CEP290: variants seen among roughly 807,000 people sequenced by gnomAD.
The protein encoded by CEP290 is centrosomal protein 290, also known as centrosomal protein of 290 kDa.
A neutral mutation model predicts 344.9 loss-of-function variants in CEP290; 317 were observed. The ratio of observed to expected loss-of-function variants is 0.92; its 90% CI spans 0.84 to 1.01. CEP290 has a LOEUF of 1.01. Among genes scored for constraint, CEP290 ranks in the 50% least tolerant of loss-of-function variants. The pLI is 0.00. For synonymous variants in CEP290, 932 were observed against 895.8 expected (o/e 1.04, Z -0.72); for missense variants, 2,754 against 2,761.4 (o/e 1.00, Z 0.06).
chr12:88,100,766 G>A (rs1300254547), intron 26 of CEP290, among the ~76,000 whole-genome samples: 1 of 152,014 alleles, frequency 6.6e-6, no homozygotes, highest in Admixed American at 6.6e-5. Context: ...AAAAAAGTAT[G>A]CTTAAGAAAA....
intron 22 of CEP290, among the ~76,000 whole-genome samples, chr12:88,109,479 T>C (rs1405392218): frequency 2.0e-5 from 3 of 152,328 alleles, no homozygotes; most frequent in East Asian, 3.9e-4. Context: ...CCCTCTCTTA[T>C]GAACACATAA....
intron 40 of CEP290, 38 bp downstream of exon 40, chr12:88,077,659 T>G (rs1361148578): frequency 8.3e-7 from 1 of 1,207,232 alleles, no homozygotes; most frequent in Non-Finnish European, 1.2e-6. Flanking sequence ...ACCTCTATAT[T>G]GTAAATCAGA....
chr12:88,066,103 ACATAGATATT>A (rs2034905531), intron 44 of CEP290, among the ~76,000 whole-genome samples: 1 of 151,442 alleles, frequency 6.6e-6, no homozygotes. Context: ...TTTTCTCTTA[ACATAGATATT>A]TAATTTTAGT....
Position 88,049,106 on chromosome 12 carries a change from G to T in CEP290, c.*78C>A. The T allele has an allele frequency of 1.3e-6, 1 of 795,872 alleles. No individual in the cohort carries two copies. The highest frequency in any genetic ancestry group is 2.0e-6 in the Non-Finnish European group (1 of 497,162). 49.3% of individuals were successfully genotyped at this position (795,872 alleles called of 1,614,324 possible). Reference sequence around the variant, plus strand: ...AGTGAGAAGGAAATACTACAGTTCGGAGAACTGCTTATTTCCAAGTATATT... The same window carrying T: ...AGTGAGAAGGAAATACTACAGTTCGTAGAACTGCTTATTTCCAAGTATATT... On this transcript the variant is annotated 3_prime_UTR_variant, in exon 54 of 54. Transcript: ENST00000552810.
intron 11 of CEP290, among the ~76,000 whole-genome samples, chr12:88,127,063 C>T (rs1279974687): frequency 4.4e-4 from 2 of 4,548 alleles, no homozygotes; most frequent in Non-Finnish European, 5.3e-3. Flanking sequence ...AACAAGTATA[C>T]ACTGCTAGAA....
intron 31 of CEP290, 129 bp downstream of exon 31, chr12:88,088,903 T>C (rs1223153774): frequency 2.4e-5 from 13 of 546,536 alleles, no homozygotes; most frequent in Non-Finnish European, 3.9e-5. Flanking sequence ...CTACAACTAC[T>C]CAGGAGGCTG....
intron 18 of CEP290, among the ~76,000 whole-genome samples, chr12:88,116,314 T>A (rs866847409): frequency 6.6e-6 from 1 of 152,222 alleles, no homozygotes; most frequent in African/African-American, 2.4e-5. Context: ...CTTATTGTAA[T>A]AGTTTCTGGA....
chr12:88,053,594 A>T, intron 52 of CEP290, 58 bp downstream of exon 52: 6 of 763,648 alleles, frequency 7.9e-6, no homozygotes, highest in Non-Finnish European at 1.3e-5. Flanking sequence ...AAAAAAAAAA[A>T]GGCAAACCCA....
In CEP290 at chr12:88,129,716, T is replaced by TG. The variant is rs778953384; in HGVS notation, c.829_830insC (p.Glu277AlafsTer21). On this transcript the variant is annotated frameshift_variant, in exon 10 of 54. Coordinates refer to ENST00000552810, the MANE Select transcript of CEP290 (RefSeq NM_025114.4). LOFTEE classifies it high-confidence loss of function. ...TACTTGAAGTTGATAATGATCGTTT[T>TG]CTTTTTTTAACTGATCTATTACATT... is the stretch of plus-strand genomic sequence containing the variant. The TG allele has an allele frequency of 6.9e-7, 1 of 1,452,216 alleles. No individual in the cohort carries two copies. Among genetic ancestry groups the TG allele is most frequent in the Non-Finnish European group, 9.3e-7 (1 of 1,080,650 alleles). 90.0% of individuals were successfully genotyped at this position (1,452,216 alleles called of 1,614,324 possible). A position where few individuals can be genotyped will look rare whatever the true frequency, so the allele number is the denominator to read the frequency against.
At chr12:88,138,471 T>C (rs2040461846) in intron 5 of CEP290, among the ~76,000 whole-genome samples, 1 of 152,140 alleles carries the variant, frequency 6.6e-6, no homozygotes, top group South Asian at 2.1e-4. Flanking sequence ...GGACTAGAAC[T>C]CAAATCTGTC....
At chr12:88,102,437 T>C (rs1381345038) in intron 26 of CEP290, among the ~76,000 whole-genome samples, 1 of 152,184 alleles carries the variant, frequency 6.6e-6, no homozygotes, top group Admixed American at 6.5e-5. Context: ...TAGTTTGTTC[T>C]GGGTACAGGG....
intron 27 of CEP290, among the ~76,000 whole-genome samples, chr12:88,094,931 A>AT (rs1178149303): frequency 6.6e-6 from 1 of 152,102 alleles, no homozygotes; most frequent in Non-Finnish European, 1.5e-5. Context: ...TGAAAAAAAA[A>AT]TTGGTCTCTA....
chr12:88,115,292 A>C lies in CEP290; in HGVS notation c.1825-110T>G. On this transcript the variant is annotated intron_variant, in intron 18 of 53. Coordinates refer to ENST00000552810, the MANE Select transcript of CEP290 (RefSeq NM_025114.4). ...AATTAAGTATAACAAAACAAAACAA[A>C]AAAAACGAGCTATGAAGACATAGCA... 1.1e-5 allele frequency: 8 copies of C among 729,088 alleles called. 1 individual carries two copies. The highest frequency in any genetic ancestry group is 1.5e-5 in the Non-Finnish European group (7 of 455,514). 45.2% of individuals were successfully genotyped at this position (729,088 alleles called of 1,614,324 possible). A position where few individuals can be genotyped will look rare whatever the true frequency, so the allele number is the denominator to read the frequency against.
At chr12:88,056,937 C>T (rs752277284) in intron 49 of CEP290, among the ~76,000 whole-genome samples, 9 of 152,172 alleles carry the variant, frequency 5.9e-5, no homozygotes, top group South Asian at 2.1e-4. Flanking sequence ...AGGATCAAAA[C>T]GAGCCTTCTC....
Position 88,059,959 on chromosome 12 carries a change from T to A in CEP290, c.6584A>T (p.Lys2195Met). 1 of 1,590,902 alleles carries A rather than the reference T, an allele frequency of 6.3e-7. No individual in the cohort carries two copies. Among genetic ancestry groups the A allele is most frequent in the South Asian group, 1.2e-5 (1 of 86,738 alleles). The change falls in exon 48 of 54, where the codon AAG (lysine) becomes ATG (methionine). Residue 2195 changes from lysine (K) to methionine (M), a missense_variant. Lys to Met is a moderately conservative substitution (Grantham distance 95). Transcript: ENST00000552810. ...GHQLSMHYES[K>M]TKGTEKIIAE... is the part of the protein sequence containing the mutation. ...AATAATTTTTTCTGTGCCTTTGGTC[T>A]TGGATTCATAGTGCATGCTCAACTG...
intron 31 of CEP290, among the ~76,000 whole-genome samples, chr12:88,088,634 G>C (rs1461522727): frequency 6.6e-6 from 1 of 152,092 alleles, no homozygotes; most frequent in Non-Finnish European, 1.5e-5. Context: ...ATTGGAATTT[G>C]TATCTTAAGC....
chr12:88,070,156 G>A (rs1306533508), intron 43 of CEP290, among the ~76,000 whole-genome samples: 1 of 152,136 alleles, frequency 6.6e-6, no homozygotes, highest in Non-Finnish European at 1.5e-5. Context: ...GCAGGGCAAG[G>A]GCATCTGGTT....
Position 88,117,078 on chromosome 12 carries a change from T to C in CEP290, c.1779A>G (p.Lys593=), listed in dbSNP as rs374292851. The change falls in exon 18 of 54, where the codon AAA becomes AAG. Residue 593 remains lysine (K), a synonymous_variant. Coordinates refer to ENST00000552810, the MANE Select transcript of CEP290 (RefSeq NM_025114.4). ...ISQGDRISER[K]LDLLSLKNMS... The stretch of plus-strand genomic sequence containing the variant: ...TATTTTTGAGGCTCAATAAATCCAA[T>C]TTTCTTTCACTTATTCTATCTCCTT... 45 of 1,561,292 alleles carry C rather than the reference T, an allele frequency of 2.9e-5. No individual in the cohort carries two copies. The highest frequency in any genetic ancestry group is 3.6e-5 in the Non-Finnish European group (41 of 1,149,532).
At chr12:88,116,930 C>T (rs1444179990) in intron 18 of CEP290, 103 bp downstream of exon 18, 12 of 567,210 alleles carry the variant, frequency 2.1e-5, no homozygotes, top group Non-Finnish European at 3.0e-5. Context: ...GCCGAGATCG[C>T]GCCACTGCAC....
Sources: allele counts gnomAD v4.1 joint callset (sites outside exome capture counted in the v4.1 genomes callset), GRCh38; gene constraint gnomAD v4.1.1; transcripts MANE v1.5; gene names NCBI Gene and HGNC (gene_info 2026-07-23, HGNC 2026-07-21).